EGR4: variants seen among roughly 807,000 people sequenced by gnomAD.
EGR4 encodes early growth response protein 4.
EGR4 carries 22 observed loss-of-function variants against 25.4 expected under a neutral mutation model. The observed-to-expected ratio is 0.87, with a 90% CI of 0.62 to 1.24. The LOEUF (loss-of-function observed/expected upper bound fraction) is 1.24. Among genes scored for constraint, EGR4 ranks in the 50% most tolerant of loss-of-function variants. The pLI is 0.00. For missense variants in EGR4, 742 were observed against 702.9 expected, an observed-to-expected ratio of 1.06 and a Z score of -0.63; for synonymous variants, 375 against 320.1, an observed-to-expected ratio of 1.17 and a Z score of -1.83.
chr2:73,293,538 C>G lies in EGR4; in HGVS notation c.-221G>C. The G allele has an allele frequency of 2.0e-6, 3 of 1,505,352 alleles. No homozygotes were observed. Among genetic ancestry groups the G allele is most frequent in the Non-Finnish European group, 2.6e-6 (3 of 1,133,402 alleles). The allele number at this position is 1,505,352 out of a possible 1,614,324, so 93.2% of individuals were successfully genotyped here. A position where few individuals can be genotyped will look rare whatever the true frequency, so the allele number is the denominator to read the frequency against. ...GGCGGCTCCTCGCCTCTCCAAAGCG[C>G]TGCCGGGCTCCCCCAGCCCACAGCC... On this transcript the variant is annotated 5_prime_UTR_variant, in exon 1 of 2. Transcript: ENST00000436467.
chr2:73,292,048 A>G lies in EGR4; in HGVS notation c.870T>C (p.Pro290=). ...AEGLPGLLTP[P]SGEGGSSGDG... Reference sequence around the variant, plus strand: ...CGCCGCTACTCCCTCCCTCCCCACTAGGAGGGGTCAGGAGCCCAGGGAGGC... The same window carrying G: ...CGCCGCTACTCCCTCCCTCCCCACTGGGAGGGGTCAGGAGCCCAGGGAGGC... The change falls in exon 2 of 2, where the codon CCT becomes CCC. Residue 290 remains proline (P), a synonymous_variant. Transcript: ENST00000436467. 1 of 1,609,192 alleles carries G rather than the reference A, an allele frequency of 6.2e-7. No individual in the cohort carries two copies. The highest frequency in any genetic ancestry group is 1.1e-5 in the South Asian group (1 of 90,412).
Position 73,291,887 on chromosome 2 carries a change from G to GGCC in EGR4, c.1030_1031insGGC (p.Val343_Pro344insArg), listed in dbSNP as rs1426873679. 3 of 1,572,080 alleles carry GGCC rather than the reference G, an allele frequency of 1.9e-6. No homozygotes were observed. The highest frequency in any genetic ancestry group is 2.6e-6 in the Non-Finnish European group (3 of 1,162,204). ...GGGGAAAGGGGTGGGCGGCGGCGGC[G>GGCC]GCACGGGTGGTGCAGCCACGCCACT... On this transcript the variant is annotated inframe_insertion, in exon 2 of 2. Coordinates refer to ENST00000436467, the MANE Select transcript of EGR4 (RefSeq NM_001965.4).
chr2:73,292,159 C>G lies in EGR4; in HGVS notation c.759G>C (p.Pro253=). 6.3e-7 allele frequency: 1 copy of G among 1,587,182 alleles called. No homozygotes were observed. The highest frequency in any genetic ancestry group is 8.6e-7 in the Non-Finnish European group (1 of 1,166,698). ...LLSISCPAEL[P]AVPANRLYPS... Reference sequence around the variant, plus strand: ...GATAGAGTCTGTTGGCTGGGACGGCCGGCAGTTCCGCAGGGCAGCTGATGG... The same window carrying G: ...GATAGAGTCTGTTGGCTGGGACGGCGGGCAGTTCCGCAGGGCAGCTGATGG... Residue 253 remains proline (P), a synonymous_variant, in exon 2 of 2, where the codon CCG becomes CCC. Coordinates refer to ENST00000436467, the MANE Select transcript of EGR4 (RefSeq NM_001965.4).
rs557759424 is a variant in EGR4 at position 73,291,422 on chromosome 2, A to C, written c.*35T>G. 3.9e-6 allele frequency: 6 copies of C among 1,535,422 alleles called. No individual in the cohort carries two copies. The highest frequency in any genetic ancestry group is 5.2e-6 in the Non-Finnish European group (6 of 1,143,374). ...ACGGCCCGGAACTCGTGCGCGCCGA[A>C]CGGCGGCGCCCCAACCCATAAACCC... On this transcript the variant is annotated 3_prime_UTR_variant, in exon 2 of 2. Coordinates refer to ENST00000436467, the MANE Select transcript of EGR4 (RefSeq NM_001965.4).
At position 73,293,186 on chromosome 2, in the gene EGR4, A is replaced by G. The variant is rs762823394; in HGVS notation, c.132T>C (p.Pro44=). ...ARDAPAATGY[P]GAGDFLSWAL... Reference sequence around the variant, plus strand: ...ACCCCTGCTCGCCCTCCTTACCTCCAGGGTAGCCGGTGGCCGCGGGAGCGT... The same window carrying G: ...ACCCCTGCTCGCCCTCCTTACCTCCGGGGTAGCCGGTGGCCGCGGGAGCGT... Residue 44 remains proline (P), a synonymous_variant, in exon 1 of 2, where the codon CCT becomes CCC. Coordinates refer to ENST00000436467, the MANE Select transcript of EGR4 (RefSeq NM_001965.4). 237 of 1,528,296 alleles carry G rather than the reference A, an allele frequency of 1.6e-4. 1 individual carries two copies. Among genetic ancestry groups the G allele is most frequent in the Middle Eastern group, 1.7e-4 (1 of 5,790 alleles). The allele number at this position is 1,528,296 out of a possible 1,614,324, so 94.7% of individuals were successfully genotyped here. A position where few individuals can be genotyped will look rare whatever the true frequency, so the allele number is the denominator to read the frequency against.
chr2:73,291,555 G>A lies in EGR4; in HGVS notation c.1363C>T (p.Arg455Trp), dbSNP rs1385611093. The change falls in exon 2 of 2, where the codon CGG (arginine) becomes TGG (tryptophan). Residue 455 changes from arginine to tryptophan, a missense_variant. Coordinates refer to ENST00000436467, the MANE Select transcript of EGR4 (RefSeq NM_001965.4). ...TGCTTGAGGTGCACCTTGCTGTGCC[G>A]TTTCTTCTCATCGCTGCGCGCGAAG... The part of the protein sequence containing the change: ...RRFARSDEKK[R>W]HSKVHLKQKA... 3 of 1,613,506 alleles carry A rather than the reference G, an allele frequency of 1.9e-6. No individual in the cohort carries two copies. The highest frequency in any genetic ancestry group is 2.5e-6 in the Non-Finnish European group (3 of 1,179,880).
At position 73,291,928 on chromosome 2, in the gene EGR4, C is replaced by T. The variant is rs1218089674; in HGVS notation, c.990G>A (p.Ala330=). ...AAADFPKPLV[A]DIPGSSGVAA... ...CCACGCCACTGCTTCCAGGGATGTCCGCCACCAGAGGTTTAGGGAAGTCCG... is the reference window on the plus strand; with the variant it reads ...CCACGCCACTGCTTCCAGGGATGTCTGCCACCAGAGGTTTAGGGAAGTCCG... The change falls in exon 2 of 2, where the codon GCG becomes GCA. Residue 330 remains alanine (A), a synonymous_variant. Coordinates refer to ENST00000436467, the MANE Select transcript of EGR4 (RefSeq NM_001965.4). 2 of 1,580,128 alleles carry T rather than the reference C, an allele frequency of 1.3e-6. No individual in the cohort carries two copies.
In EGR4 at chr2:73,292,597, G is replaced by A. The variant is rs771341475; in HGVS notation, c.321C>T (p.Gly107=). 6.6e-7 allele frequency: 1 copy of A among 1,519,286 alleles called. No individual in the cohort carries two copies. 94.1% of individuals were successfully genotyped at this position (1,519,286 alleles called of 1,614,324 possible). ...DPEALFNLMS[G]ILGLAPFPGP... ...CGGGGAAGGGTGCCAGGCCTAAGAT[G>A]CCCGACATGAGGTTGAAGAGTGCCT... Residue 107 remains glycine, a synonymous_variant, in exon 2 of 2, where the codon GGC becomes GGT. Transcript: ENST00000436467.
rs765015047 is a variant in EGR4 at position 73,291,622 on chromosome 2, G to A, written c.1296C>T (p.His432=). ...SDHLTTHVRT[H]TGEKPFACDV... Reference sequence around the variant, plus strand: ...CGCAAGCAAAAGGCTTCTCGCCGGTGTGGGTGCGCACGTGCGTGGTGAGGT... The same window carrying A: ...CGCAAGCAAAAGGCTTCTCGCCGGTATGGGTGCGCACGTGCGTGGTGAGGT... Residue 432 remains histidine, a synonymous_variant, in exon 2 of 2, where the codon CAC becomes CAT. Coordinates refer to ENST00000436467, the MANE Select transcript of EGR4 (RefSeq NM_001965.4). The A allele has an allele frequency of 4.8e-5, 77 of 1,612,910 alleles. No individual in the cohort carries two copies. Among genetic ancestry groups the A allele is most frequent in the Non-Finnish European group, 6.4e-5 (76 of 1,179,938 alleles).
chr2:73,292,073 C>A lies in EGR4; in HGVS notation c.845G>T (p.Gly282Val), dbSNP rs778173537. Residue 282 changes from glycine (G) to valine (V), a missense_variant, in exon 2 of 2, where the codon GGC becomes GTC. By Grantham distance (109) the Gly-to-Val change is moderately radical. Transcript: ENST00000436467. ...AGGAGGGGTCAGGAGCCCAGGGAGG[C>A]CCTCAGCCCCCTCCCCTAAGTCACC... ...APGDLGEGAE[G>V]LPGLLTPPSG... 3.1e-6 allele frequency: 5 copies of A among 1,610,402 alleles called. No homozygotes were observed. Among genetic ancestry groups the A allele is most frequent in the Non-Finnish European group, 4.2e-6 (5 of 1,178,564 alleles).
In EGR4 at chr2:73,293,272, TGAC is replaced by T. The variant is rs1024161119; in HGVS notation, c.43_45del (p.Val15del). 7 of 1,587,782 alleles carry T rather than the reference TGAC, an allele frequency of 4.4e-6. No homozygotes were observed. The highest frequency in any genetic ancestry group is 5.1e-6 in the Non-Finnish European group (6 of 1,169,512). On this transcript the variant is annotated inframe_deletion, in exon 1 of 2. Coordinates refer to ENST00000436467, the MANE Select transcript of EGR4 (RefSeq NM_001965.4). ...TCGGCGCAACAGCCTTCAGTGGACTTGACGAGGAGCGCGTCGGGTTCGGAAAAC... is the reference window on the plus strand; with the variant it reads ...TCGGCGCAACAGCCTTCAGTGGACTTGAGGAGCGCGTCGGGTTCGGAAAAC...
Position 73,293,419 on chromosome 2 carries a change from A to G in EGR4, c.-102T>C, listed in dbSNP as rs1173782167. On this transcript the variant is annotated 5_prime_UTR_variant, in exon 1 of 2. Transcript: ENST00000436467. The stretch of plus-strand genomic sequence containing the variant: ...GGTAGGGGTTCCCCGCAGCGCACAG[A>G]CCTAGGCGCCCGGGCTCCTGGCTTC... 7 of 1,520,902 alleles carry G rather than the reference A, an allele frequency of 4.6e-6. No individual in the cohort carries two copies. The highest frequency in any genetic ancestry group is 2.1e-5 in the Admixed American group (1 of 47,652). The allele number at this position is 1,520,902 out of a possible 1,614,324, so 94.2% of individuals were successfully genotyped here.
rs746766586 is a variant in EGR4 at position 73,292,534 on chromosome 2, G to A, written c.384C>T (p.Ala128=). Residue 128 remains alanine (A), a synonymous_variant, in exon 2 of 2, where the codon GCC becomes GCT. Transcript: ENST00000436467. ...EAAASRSPLD[A]PFPAGSDALL... is the part of the protein sequence containing the mutation. The stretch of plus-strand genomic sequence containing the variant: ...AGGCATCGGACCCCGCAGGAAAAGG[G>A]GCATCCAGCGGGGATCTGGACGCTG... 66 of 1,512,996 alleles carry A rather than the reference G, an allele frequency of 4.4e-5. No individual in the cohort carries two copies. The highest frequency in any genetic ancestry group is 8.1e-5 in the South Asian group (6 of 73,824). 93.7% of individuals were successfully genotyped at this position (1,512,996 alleles called of 1,614,324 possible). A position where few individuals can be genotyped will look rare whatever the true frequency, so the allele number is the denominator to read the frequency against.
chr2:73,293,403 T>TC lies in EGR4; in HGVS notation c.-87dup. 1 of 1,511,100 alleles carries TC rather than the reference T, an allele frequency of 6.6e-7. No individual in the cohort carries two copies. The highest frequency in any genetic ancestry group is 1.5e-5 in the African/African-American group (1 of 68,950). The allele number at this position is 1,511,100 out of a possible 1,614,324, so 93.6% of individuals were successfully genotyped here. A position where few individuals can be genotyped will look rare whatever the true frequency, so the allele number is the denominator to read the frequency against. On this transcript the variant is annotated 5_prime_UTR_variant, in exon 1 of 2. Transcript: ENST00000436467. The stretch of plus-strand genomic sequence containing the variant: ...TGGCGGGGAGGCTGGCGGTAGGGGT[T>TC]CCCCGCAGCGCACAGACCTAGGCGC...
rs1035193523 is a variant in EGR4, at chr2:73,291,286, G to C, written c.*171C>G. ...CTGGACCGCGGGAACTGTCCGCGGA[G>C]CTGGTGCTGAATAGGGCGTGTGCGG... On this transcript the variant is annotated 3_prime_UTR_variant, in exon 2 of 2. Coordinates refer to ENST00000436467, the MANE Select transcript of EGR4 (RefSeq NM_001965.4). The C allele has an allele frequency of 2.2e-6, 2 of 919,970 alleles. No homozygotes were observed. Among genetic ancestry groups the C allele is most frequent in the Middle Eastern group, 3.5e-4 (1 of 2,872 alleles). The allele number at this position is 919,970 out of a possible 1,614,324, so 57.0% of individuals were successfully genotyped here. A position where few individuals can be genotyped will look rare whatever the true frequency, so the allele number is the denominator to read the frequency against.
Position 73,292,485 on chromosome 2 carries a change from A to G in EGR4, c.433T>C (p.Tyr145His), listed in dbSNP as rs533371477. 55 of 1,517,412 alleles carry G rather than the reference A, an allele frequency of 3.6e-5. No individual in the cohort carries two copies. In the South Asian group the frequency reaches 6.4e-4, roughly 18 times the overall value. 94.0% of individuals were successfully genotyped at this position (1,517,412 alleles called of 1,614,324 possible). A position where few individuals can be genotyped will look rare whatever the true frequency, so the allele number is the denominator to read the frequency against. ...DALLPGPPDL[Y>H]SPDLGAAPFP... The stretch of plus-strand genomic sequence containing the variant: ...GGGGCAGCGCCCAGATCCGGGGAGT[A>G]AAGGTCCGGCGGACCCGGCAGCAAG... Residue 145 changes from tyrosine to histidine, a missense_variant, in exon 2 of 2, where the codon TAC (tyrosine) becomes CAC (histidine). Physicochemically the swap from Tyr to His is moderately conservative, Grantham distance 83. Coordinates refer to ENST00000436467, the MANE Select transcript of EGR4 (RefSeq NM_001965.4).
rs762330340 is a variant in EGR4 at position 73,292,263 on chromosome 2, A to G, written c.655T>C (p.Cys219Arg). ...ELLSVGAPGN[C>R]GSQGDYQAAP... ...GCCTGGTAGTCTCCCTGTGACCCAC[A>G]GTTCCCTGGGGCCCCCACAGAAAGC... is the stretch of plus-strand genomic sequence containing the variant. Residue 219 changes from cysteine to arginine, a missense_variant, in exon 2 of 2, where the codon TGT (cysteine) becomes CGT (arginine). By Grantham distance (180) the Cys-to-Arg change is radical. Transcript: ENST00000436467. 5.0e-6 allele frequency: 8 copies of G among 1,611,516 alleles called. No homozygotes were observed. Among genetic ancestry groups the G allele is most frequent in the Non-Finnish European group, 6.8e-6 (8 of 1,178,862 alleles).
rs953226853 is a variant in EGR4 at position 73,291,365 on chromosome 2, G to A, written c.*92C>T. 3.3e-6 allele frequency: 5 copies of A among 1,498,986 alleles called. No individual in the cohort carries two copies. The highest frequency in any genetic ancestry group is 2.3e-5 in the Admixed American group (1 of 43,714). The allele number at this position is 1,498,986 out of a possible 1,614,324, so 92.9% of individuals were successfully genotyped here. A position where few individuals can be genotyped will look rare whatever the true frequency, so the allele number is the denominator to read the frequency against. ...ACCGGAGGCCGGCCCTCGGGCGTGC[G>A]AGGAGGAGTTGGAAGAAGAGCGGGG... On this transcript the variant is annotated 3_prime_UTR_variant, in exon 2 of 2. Coordinates refer to ENST00000436467, the MANE Select transcript of EGR4 (RefSeq NM_001965.4).
In EGR4 at chr2:73,291,859, C is replaced by G. The variant is rs13394919; in HGVS notation, c.1059G>C (p.Gln353His). 6.3e-7 allele frequency: 1 copy of G among 1,581,106 alleles called. No homozygotes were observed. Residue 353 changes from glutamine to histidine, a missense_variant, in exon 2 of 2, where the codon CAG (glutamine) becomes CAC (histidine). Coordinates refer to ENST00000436467, the MANE Select transcript of EGR4 (RefSeq NM_001965.4). ...VPPPPPTPFP[Q>H]AKARRKGRRG... ...GGCGCCCCTTGCGTCGCGCCTTGGC[C>G]TGGGGGAAAGGGGTGGGCGGCGGCG...
Sources: gnomAD v4.1 joint callset for allele counts on GRCh38, gnomAD v4.1.1 for gene constraint, MANE v1.5 for transcripts, NCBI Gene and HGNC (gene_info 2026-07-23, HGNC 2026-07-21) for gene names.